The following THSD7B variants were observed in gnomAD, a reference collection of about 807,000 sequenced individuals.
THSD7B encodes the protein thrombospondin type-1 domain-containing protein 7B.
THSD7B carries 138 observed loss-of-function variants against 213.6 expected under a neutral mutation model. The ratio of observed to expected loss-of-function variants is 0.65; its 90% CI spans 0.56 to 0.74. The LOEUF is 0.74. Ranked by LOEUF, THSD7B falls within the 30% of genes least tolerant of loss-of-function variation. THSD7B has a pLI of 0.00. For missense variants in THSD7B, 1,931 were observed against 1,991.5 expected, an observed-to-expected ratio of 0.97 and a Z score of 0.58; for synonymous variants, 742 against 687.0, an observed-to-expected ratio of 1.08 and a Z score of -1.25.
chr2:136,881,882 T>C (rs1683630177), intron 1 of THSD7B, among the ~76,000 whole-genome samples: 1 of 152,096 alleles, frequency 6.6e-6, no homozygotes, highest in African/African-American at 2.4e-5. Context: ...AAAAAGCAAT[T>C]GGGGAAATAA....
At chr2:136,859,606 A>G (rs557857675) in intron 1 of THSD7B, among the ~76,000 whole-genome samples, 316 of 152,248 alleles carry the variant, frequency 2.1e-3, no homozygotes, top group Non-Finnish European at 3.6e-3. Flanking sequence ...TGAGATATGA[A>G]GGGGGTGACT....
At chr2:136,807,868 AC>A (rs942045289) in intron 1 of THSD7B, among the ~76,000 whole-genome samples, 1 of 151,640 alleles carries the variant, frequency 6.6e-6, no homozygotes, top group Non-Finnish European at 1.5e-5. Context: ...TCTCCAAGAA[AC>A]TCTGGTTCCT....
At chr2:137,295,443 A>G (rs16838667) in intron 12 of THSD7B, among the ~76,000 whole-genome samples, 15,033 of 152,178 alleles carry the variant, frequency 0.099, 1,305 homozygotes, top group East Asian at 0.43. Context: ...CCAGTCTTAC[A>G]TAGAATATTT....
intron 10 of THSD7B, among the ~76,000 whole-genome samples, chr2:137,252,710 T>G (rs1423809768): frequency 6.6e-6 from 1 of 152,090 alleles, no homozygotes; most frequent in Non-Finnish European, 1.5e-5. Context: ...TGCACAAAGG[T>G]GGCAGAGAAT....
At chr2:137,567,133 C>CTACTT (rs1553460627) in intron 16 of THSD7B, among the ~76,000 whole-genome samples, 4 of 137,590 alleles carry the variant, frequency 2.9e-5, no homozygotes, top group Non-Finnish European at 4.7e-5. Context: ...GTGACATGCT[C>CTACTT]TATTTTATTT....
At chr2:136,955,415 A>G (rs962650649) in intron 2 of THSD7B, among the ~76,000 whole-genome samples, 1 of 152,208 alleles carries the variant, frequency 6.6e-6, no homozygotes, top group Non-Finnish European at 1.5e-5. Flanking sequence ...TGACTAACAT[A>G]ATCTACTCTG....
intron 1 of THSD7B, among the ~76,000 whole-genome samples, chr2:136,851,574 G>A (rs1474333405): frequency 6.6e-6 from 1 of 152,108 alleles, no homozygotes; most frequent in Non-Finnish European, 1.5e-5. Flanking sequence ...ACATGTCAGT[G>A]GGTCAGCTGG....
chr2:137,230,420 T>A (rs1336893367), intron 7 of THSD7B, among the ~76,000 whole-genome samples: 1 of 152,194 alleles, frequency 6.6e-6, no homozygotes, highest in Non-Finnish European at 1.5e-5. Flanking sequence ...GGTTTAGCAA[T>A]GCATTAGATT....
chr2:137,118,735 G>T (rs901923242), intron 5 of THSD7B, among the ~76,000 whole-genome samples: 7 of 152,040 alleles, frequency 4.6e-5, no homozygotes, highest in Non-Finnish European at 7.4e-5. Flanking sequence ...ACACATTCTG[G>T]AATGCTAAGT....
At position 136,802,637 on chromosome 2, in the gene THSD7B, GTT is replaced by G. The variant is rs1553449349; in HGVS notation, c.-36+36952_-36+36953del. Among the ~76,000 whole-genome samples the G allele has an allele frequency of 1.1e-3, 41 of 39,020 alleles. 1 individual carries two copies. The highest frequency in any genetic ancestry group is 2.8e-3 in the African/African-American group (38 of 13,798). 25.6% of individuals were successfully genotyped at this position (39,020 alleles called of 152,430 possible). On this transcript the variant is annotated intron_variant, in intron 1 of 27. Coordinates refer to ENST00000409968, the MANE Select transcript of THSD7B (RefSeq NM_001316349.2). Reference sequence around the variant, plus strand: ...CCTTTAAAAATAATTTATGAATTAAGTTTATATATATATATATATATATATAT... The same window carrying G: ...CCTTTAAAAATAATTTATGAATTAAGTATATATATATATATATATATATAT...
intron 20 of THSD7B, among the ~76,000 whole-genome samples, chr2:137,631,944 T>C (rs1682749284): frequency 1.3e-5 from 2 of 152,176 alleles, no homozygotes; most frequent in Admixed American, 1.3e-4. Context: ...AAGGGTATAA[T>C]TACTGATGCT....
intron 2 of THSD7B, among the ~76,000 whole-genome samples, chr2:137,048,827 A>G (rs1384884928): frequency 6.6e-6 from 1 of 152,180 alleles, no homozygotes; most frequent in African/African-American, 2.4e-5. Flanking sequence ...AACATCTTCT[A>G]GTTTGCTTTC....
chr2:136,867,804 TTCTC>T (rs1447774246), intron 1 of THSD7B, among the ~76,000 whole-genome samples: 2 of 152,236 alleles, frequency 1.3e-5, no homozygotes, highest in Non-Finnish European at 1.5e-5. Context: ...CTTTACTTCT[TTCTC>T]TGGGAGAAAT....
At chr2:137,522,308 C>G (rs1271562105) in intron 15 of THSD7B, among the ~76,000 whole-genome samples, 1 of 152,182 alleles carries the variant, frequency 6.6e-6, no homozygotes, top group Admixed American at 6.5e-5. Flanking sequence ...GTTTAATTCC[C>G]AGCTTTGCGC....
At chr2:137,365,921 A>G (rs961810704) in intron 12 of THSD7B, among the ~76,000 whole-genome samples, 1 of 152,132 alleles carries the variant, frequency 6.6e-6, no homozygotes, top group Non-Finnish European at 1.5e-5. Flanking sequence ...AAATCATGCT[A>G]CTATAAAGAC....
intron 15 of THSD7B, among the ~76,000 whole-genome samples, chr2:137,519,156 G>A (rs1276558429): frequency 6.6e-6 from 1 of 152,106 alleles, no homozygotes; most frequent in Non-Finnish European, 1.5e-5. Context: ...AGAGGGTGAG[G>A]CAGGAGAATC....
chr2:137,382,373 C>CCT (rs1403857538), intron 12 of THSD7B, among the ~76,000 whole-genome samples: 1 of 152,146 alleles, frequency 6.6e-6, no homozygotes, highest in Non-Finnish European at 1.5e-5. Context: ...AGGCAGAAGC[C>CCT]CTATGGGTAG....
intron 17 of THSD7B, among the ~76,000 whole-genome samples, chr2:137,608,150 C>A (rs185795847): frequency 6.6e-6 from 1 of 152,058 alleles, no homozygotes; most frequent in Non-Finnish European, 1.5e-5. Context: ...GCACTGTGGG[C>A]TCCTCAAAGG....
chr2:137,259,751 C>G (rs1682397179), intron 10 of THSD7B, among the ~76,000 whole-genome samples: 1 of 152,140 alleles, frequency 6.6e-6, no homozygotes, highest in African/African-American at 2.4e-5. Flanking sequence ...GCCTTTCTCC[C>G]TCTACTAGAA....
Sources: gnomAD v4.1 joint callset for allele counts (sites outside exome capture counted in the v4.1 genomes callset) on GRCh38, gnomAD v4.1.1 for gene constraint, MANE v1.5 for transcripts, NCBI Gene and HGNC (gene_info 2026-07-23, HGNC 2026-07-21) for gene names.